The following PLA2R1 variants were observed in gnomAD, a reference collection of about 807,000 sequenced individuals.
The protein encoded by PLA2R1 is secretory phospholipase A2 receptor.
Under a neutral mutation model 195.9 loss-of-function variants are expected in PLA2R1, and 158 were observed. The ratio of observed to expected loss-of-function variants is 0.81; its 90% confidence interval spans 0.71 to 0.92. The LOEUF (loss-of-function observed/expected upper bound fraction) is 0.92, where lower values mean the gene tolerates loss of function less well. Ranked by LOEUF, PLA2R1 falls within the 40% of genes least tolerant of loss-of-function variation. PLA2R1 has a pLI of 0.00. For missense variants in PLA2R1, 1,626 were observed against 1,764.6 expected, an observed-to-expected ratio of 0.92 and a Z score of 1.41; for synonymous variants, 586 against 598.2, an observed-to-expected ratio of 0.98 and a Z score of 0.30.
chr2:159,930,204 C>G (rs929099159), downstream of PLA2R1, among the ~76,000 whole-genome samples: 2 of 151,980 alleles, frequency 1.3e-5, no homozygotes, highest in Admixed American at 6.5e-5. Flanking sequence ...GTCAGGAGAT[C>G]GAGGCCATCC....
chr2:160,017,380 C>T (rs1692836612), intron 8 of PLA2R1, among the ~76,000 whole-genome samples: 1 of 152,208 alleles, frequency 6.6e-6, no homozygotes, highest in Admixed American at 6.5e-5. Context: ...TGGGATGAAG[C>T]CATCCTCCTG....
intron 20 of PLA2R1, among the ~76,000 whole-genome samples, chr2:159,961,415 G>C (rs1688429509): frequency 6.6e-6 from 1 of 152,156 alleles, no homozygotes; most frequent in Non-Finnish European, 1.5e-5. Context: ...CGGATGCCTG[G>C]ATCCCATGCA....
rs369863016 is a variant in PLA2R1, at chr2:160,028,091, CATATAA to C, written c.1099+121_1099+126del. ...GATATTGTCTAGTTACACATCTTTT[CATATAA>C]ATATAAACTAGATTTAGCTAAGTTT... On this transcript the variant is annotated intron_variant, in intron 6 of 29. Coordinates refer to ENST00000283243, the MANE Select transcript of PLA2R1 (RefSeq NM_007366.5). The C allele has an allele frequency of 1.2e-3, 735 of 610,448 alleles. 3 individuals are homozygous for C. The Middle Eastern group carries it at 0.03, about 25-fold the overall frequency. The allele number at this position is 610,448 out of a possible 1,614,324, so 37.8% of individuals were successfully genotyped here.
chr2:159,943,862 T>C (rs1687230324), intron 28 of PLA2R1, among the ~76,000 whole-genome samples: 1 of 151,974 alleles, frequency 6.6e-6, no homozygotes, highest in South Asian at 2.1e-4. Context: ...GTTTCAAACA[T>C]TGGTGCCCAC....
chr2:160,022,883 TG>T, intron 6 of PLA2R1, 24 bp from the exon 7 acceptor site: 1 of 1,491,784 alleles, frequency 6.7e-7, no homozygotes, highest in Non-Finnish European at 9.2e-7. Context: ...CAAAAAACAA[TG>T]TCATTTTCCA....
Position 159,949,617 on chromosome 2 carries a change from C to T in PLA2R1, c.3700G>A (p.Val1234Met). Residue 1234 changes from valine (V) to methionine (M), a missense_variant, in exon 25 of 30, where the codon GTG (valine) becomes ATG (methionine). Coordinates refer to ENST00000283243, the MANE Select transcript of PLA2R1 (RefSeq NM_007366.5). ...ESFLQGAICH[V>M]PPETRQSEHP... ...ATAGAATTGAACCTACCAGGTGGCA[C>T]ATGACAAATGGCACCTTGCAGAAAT... 1.2e-6 allele frequency: 2 copies of T among 1,613,380 alleles called. No individual in the cohort carries two copies. The highest frequency in any genetic ancestry group is 8.5e-7 in the Non-Finnish European group (1 of 1,179,348).
At chr2:159,971,194 T>C (rs1002403363) in intron 17 of PLA2R1, among the ~76,000 whole-genome samples, 6 of 152,206 alleles carry the variant, frequency 3.9e-5, no homozygotes, top group Admixed American at 1.3e-4. Flanking sequence ...TAACAAAAAA[T>C]TGGAATTTTA....
intron 6 of PLA2R1, among the ~76,000 whole-genome samples, chr2:160,024,286 A>G (rs539225267): frequency 6.6e-6 from 1 of 152,186 alleles, no homozygotes; most frequent in South Asian, 2.1e-4. Context: ...CACCATCCCC[A>G]TGCCAAGCTG....
chr2:160,033,079 T>A lies in PLA2R1; in HGVS notation c.721A>T (p.Ile241Phe). The A allele has an allele frequency of 6.2e-7, 1 of 1,613,244 alleles. No individual in the cohort carries two copies. The highest frequency in any genetic ancestry group is 8.5e-7 in the Non-Finnish European group (1 of 1,179,696). ...TIWEKDLNSHICYQFNLLSSL... is the reference protein window; with the variant it reads ...TIWEKDLNSHFCYQFNLLSSL... Reference sequence around the variant, plus strand: ...GAAAGCAGGTTGAACTGGTAGCAAATGTGTGAATTGAGGTCCTTCTCCCAA... The same window carrying A: ...GAAAGCAGGTTGAACTGGTAGCAAAAGTGTGAATTGAGGTCCTTCTCCCAA... The change falls in exon 4 of 30, where the codon ATT becomes TTT. Residue 241 changes from isoleucine to phenylalanine, a missense_variant. Physicochemically the swap from Ile to Phe is conservative, Grantham distance 21. Coordinates refer to ENST00000283243, the MANE Select transcript of PLA2R1 (RefSeq NM_007366.5).
intron 10 of PLA2R1, among the ~76,000 whole-genome samples, chr2:160,012,653 C>T (rs574985741): frequency 5.3e-5 from 8 of 152,248 alleles, no homozygotes; most frequent in African/African-American, 1.7e-4. Flanking sequence ...TGGCTCATAC[C>T]TGTAATCCCG....
rs567272119 is a variant in PLA2R1, at chr2:159,950,104, T to C, written c.3541-328A>G. On this transcript the variant is annotated intron_variant, in intron 24 of 29. Transcript: ENST00000283243. The stretch of plus-strand genomic sequence containing the variant: ...AAACATAAAATTGAAAACATAAACA[T>C]GTTAAAGAAAACCTGGTTAAATTTT... Among the ~76,000 whole-genome samples, 3 of 152,304 alleles carry C rather than the reference T, an allele frequency of 2.0e-5. No homozygotes were observed. In the South Asian group the frequency reaches 6.2e-4, roughly 32 times the overall value.
intron 11 of PLA2R1, among the ~76,000 whole-genome samples, chr2:159,987,882 G>A (rs555111339): frequency 6.6e-6 from 1 of 152,238 alleles, no homozygotes; most frequent in Non-Finnish European, 1.5e-5. Flanking sequence ...AGATCCGGGG[G>A]CAGGGACAAG....
At chr2:160,056,877 G>A (rs1695586378) in intron 1 of PLA2R1, among the ~76,000 whole-genome samples, 1 of 152,064 alleles carries the variant, frequency 6.6e-6, no homozygotes. Flanking sequence ...CCAGAAGCAG[G>A]GTGCCTCCAA....
At chr2:159,994,776 T>C (rs1356715829) in intron 11 of PLA2R1, among the ~76,000 whole-genome samples, 1 of 151,998 alleles carries the variant, frequency 6.6e-6, no homozygotes, top group Non-Finnish European at 1.5e-5. Context: ...TTTGATAAAC[T>C]TAATACTAAG....
chr2:160,054,948 T>C (rs72976491), intron 1 of PLA2R1, among the ~76,000 whole-genome samples: 14,070 of 152,180 alleles, frequency 0.092, 929 homozygotes, highest in East Asian at 0.25. Flanking sequence ...TAGGATTGAG[T>C]TCAGAAGAGG....
chr2:159,964,608 A>C (rs67045814), intron 20 of PLA2R1, among the ~76,000 whole-genome samples: 55,650 of 152,064 alleles, frequency 0.37, 12,838 homozygotes, highest in Non-Finnish European at 0.51. Context: ...TCATTACTAT[A>C]GTAAAGTTTT....
intron 20 of PLA2R1, among the ~76,000 whole-genome samples, chr2:159,961,987 GC>G (rs1688477965): frequency 6.6e-6 from 1 of 152,162 alleles, no homozygotes. Flanking sequence ...AAGACTTCAT[GC>G]CTAAAACACC....
chr2:160,056,990 T>C (rs1481463213), intron 1 of PLA2R1, among the ~76,000 whole-genome samples: 2 of 152,162 alleles, frequency 1.3e-5, no homozygotes, highest in Admixed American at 6.5e-5. Context: ...TCCACAGCCC[T>C]GGATGAAGCA....
chr2:159,980,324 C>A (rs1418474959), intron 13 of PLA2R1, among the ~76,000 whole-genome samples: 1 of 152,144 alleles, frequency 6.6e-6, no homozygotes, highest in African/African-American at 2.4e-5. Context: ...GCCTTTCAGT[C>A]AGGACAAGAA....
Sources: gnomAD v4.1 joint callset for allele counts (sites outside exome capture counted in the v4.1 genomes callset) on GRCh38, gnomAD v4.1.1 for gene constraint, MANE v1.5 for transcripts, NCBI Gene and HGNC (gene_info 2026-07-23, HGNC 2026-07-21) for gene names.